The following DCBLD2 variants were observed in gnomAD, a reference collection of about 807,000 sequenced individuals.
The protein encoded by DCBLD2 is discoidin, CUB and LCCL domain containing 2, also known as discoidin, CUB and LCCL domain-containing protein 2.
In DCBLD2, 54 loss-of-function variants were observed where a neutral mutation model predicts 86.8. The observed-to-expected ratio is 0.62, with a 90% CI of 0.50 to 0.78. The LOEUF (loss-of-function observed/expected upper bound fraction) is 0.78, where lower values mean the gene tolerates loss of function less well. Among genes scored for constraint, DCBLD2 ranks in the 30% least tolerant of loss-of-function variants. DCBLD2 has a pLI of 0.00. For synonymous variants in DCBLD2, 354 were observed against 341.3 expected (o/e 1.04, Z -0.41); for missense variants, 908 against 954.2 (o/e 0.95, Z 0.64).
At chr3:98,849,191 T>C (rs1218641810) in intron 3 of DCBLD2, among the ~76,000 whole-genome samples, 3 of 151,776 alleles carry the variant, frequency 2.0e-5, no homozygotes, top group Admixed American at 6.6e-5. Context: ...AAAGTTATTA[T>C]AGCTCGTGTT....
intron 3 of DCBLD2, among the ~76,000 whole-genome samples, chr3:98,838,036 G>A (rs1336198712): frequency 9.9e-5 from 11 of 111,036 alleles, no homozygotes; most frequent in East Asian, 2.9e-4. Flanking sequence ...GCGGCTGGCC[G>A]GGCGGGGGGC....
chr3:98,854,327 A>G (rs1942893055), intron 2 of DCBLD2, among the ~76,000 whole-genome samples: 2 of 152,138 alleles, frequency 1.3e-5, no homozygotes, highest in South Asian at 4.1e-4. Flanking sequence ...GGCCAGAGTG[A>G]GGTGGAGATG....
intron 13 of DCBLD2, among the ~76,000 whole-genome samples, chr3:98,806,793 C>T (rs1228138469): frequency 6.6e-6 from 1 of 152,208 alleles, no homozygotes; most frequent in Non-Finnish European, 1.5e-5. Context: ...ACTGGTCTAA[C>T]TGCACAAGCC....
chr3:98,825,190 C>T lies in DCBLD2; in HGVS notation c.623+125G>A, dbSNP rs369144043. The T allele has an allele frequency of 1.2e-4, 83 of 668,668 alleles. No individual in the cohort carries two copies. The African/African-American group carries it at 1.4e-3, about 11-fold the overall frequency. 41.4% of individuals were successfully genotyped at this position (668,668 alleles called of 1,614,324 possible). A position where few individuals can be genotyped will look rare whatever the true frequency, so the allele number is the denominator to read the frequency against. On this transcript the variant is annotated intron_variant, in intron 4 of 15. Transcript: ENST00000326840. ...AGTAAGCTCTAATTTATTGAAGTCT[C>T]GGAACAATGATATGTATCACACAAT... is the stretch of plus-strand genomic sequence containing the variant.
At chr3:98,897,355 T>C (rs1168714779) in intron 1 of DCBLD2, among the ~76,000 whole-genome samples, 2 of 152,308 alleles carry the variant, frequency 1.3e-5, no homozygotes, top group Non-Finnish European at 2.9e-5. Flanking sequence ...ATTTTCATTT[T>C]GTAAAATTAA....
chr3:98,856,508 T>C (rs1156879872), intron 2 of DCBLD2, among the ~76,000 whole-genome samples: 1 of 151,844 alleles, frequency 6.6e-6, no homozygotes, highest in Non-Finnish European at 1.5e-5. Flanking sequence ...ATACACAGTA[T>C]AAAAAGAAAA....
intron 6 of DCBLD2, among the ~76,000 whole-genome samples, chr3:98,821,872 C>G (rs1479777526): frequency 2.0e-5 from 3 of 152,062 alleles, no homozygotes; most frequent in African/African-American, 7.2e-5. Flanking sequence ...ATGGTGAAAC[C>G]CCGCCTCTAC....
At chr3:98,887,601 T>C (rs1943585177) in intron 1 of DCBLD2, among the ~76,000 whole-genome samples, 1 of 152,060 alleles carries the variant, frequency 6.6e-6, no homozygotes, top group South Asian at 2.1e-4. Context: ...TCACAAGGTA[T>C]ATCTTTCTCC....
intron 2 of DCBLD2, among the ~76,000 whole-genome samples, chr3:98,866,553 GGTT>G (rs1452823929): frequency 4.6e-5 from 7 of 152,062 alleles, no homozygotes; most frequent in African/African-American, 1.7e-4. Flanking sequence ...TTGTTGATGG[GGTT>G]GTTTTTTTCT....
At chr3:98,804,783 G>A (rs1941798692) in intron 13 of DCBLD2, among the ~76,000 whole-genome samples, 1 of 152,116 alleles carries the variant, frequency 6.6e-6, no homozygotes, top group East Asian at 1.9e-4. Flanking sequence ...CTTTATTTCT[G>A]CCTTCATTTC....
chr3:98,861,941 G>GT (rs962690594), intron 2 of DCBLD2, among the ~76,000 whole-genome samples: 5 of 152,182 alleles, frequency 3.3e-5, no homozygotes, highest in African/African-American at 1.2e-4. Flanking sequence ...CCAGGAGATG[G>GT]TTTTTTGAAA....
chr3:98,832,661 A>ATT (rs1942344506), intron 3 of DCBLD2, among the ~76,000 whole-genome samples: 3 of 152,176 alleles, frequency 2.0e-5, no homozygotes, highest in Non-Finnish European at 4.4e-5. Context: ...GCATTTGCTT[A>ATT]TCTGACAAGA....
At position 98,892,902 on chromosome 3, in the gene DCBLD2, A is replaced by G. The variant is rs572934927; in HGVS notation, c.205+8220T>C. ...TGATCTGAGATGGTGGGGATCAAAAAACACTGAAGCACACCAACAGGCAGA... is the reference window on the plus strand; with the variant it reads ...TGATCTGAGATGGTGGGGATCAAAAGACACTGAAGCACACCAACAGGCAGA... On this transcript the variant is annotated intron_variant, in intron 1 of 15. Coordinates refer to ENST00000326840, the MANE Select transcript of DCBLD2 (RefSeq NM_080927.4). 2.0e-5 allele frequency among the ~76,000 whole-genome samples: 3 copies of G among 152,262 alleles called. No homozygotes were observed. The South Asian group carries it at 6.2e-4, about 32-fold the overall frequency.
chr3:98,872,489 C>A (rs1178354391), intron 2 of DCBLD2, among the ~76,000 whole-genome samples: 1 of 152,084 alleles, frequency 6.6e-6, no homozygotes, highest in African/African-American at 2.4e-5. Context: ...AATTATGAAC[C>A]AAATAAACCT....
At chr3:98,859,766 G>C (rs1443749527) in intron 2 of DCBLD2, among the ~76,000 whole-genome samples, 1 of 152,164 alleles carries the variant, frequency 6.6e-6, no homozygotes. Context: ...AAACCACAAA[G>C]ATGGGGAAAA....
At chr3:98,852,692 A>G (rs1451778222) in intron 2 of DCBLD2, among the ~76,000 whole-genome samples, 1 of 152,244 alleles carries the variant, frequency 6.6e-6, no homozygotes, top group Non-Finnish European at 1.5e-5. Flanking sequence ...CTCAGGTTGC[A>G]GAATTGGAAA....
In DCBLD2 at chr3:98,901,300, G is replaced by A; in HGVS notation, c.27C>T (p.Ala9=). Residue 9 remains alanine, a synonymous_variant, in exon 1 of 16, where the codon GCC becomes GCT. Transcript: ENST00000326840. MASRAVVR[A]RRCPQCPQVR... is the part of the protein sequence containing the mutation. Reference sequence around the variant, plus strand: ...CTTGGGGACACTGCGGGCAGCGCCTGGCTCTCACCACCGCCCGGCTCGCCA... The same window carrying A: ...CTTGGGGACACTGCGGGCAGCGCCTAGCTCTCACCACCGCCCGGCTCGCCA... 6.7e-7 allele frequency: 1 copy of A among 1,485,890 alleles called. No homozygotes were observed. The highest frequency in any genetic ancestry group is 8.9e-7 in the Non-Finnish European group (1 of 1,126,742). 92.0% of individuals were successfully genotyped at this position (1,485,890 alleles called of 1,614,324 possible).
intron 3 of DCBLD2, among the ~76,000 whole-genome samples, chr3:98,830,877 T>C (rs1430434946): frequency 6.6e-6 from 1 of 152,214 alleles, no homozygotes; most frequent in Non-Finnish European, 1.5e-5. Context: ...GAGCATGGCA[T>C]GTTTTTCCAC....
intron 2 of DCBLD2, among the ~76,000 whole-genome samples, chr3:98,853,407 C>T (rs1942875313): frequency 6.6e-6 from 1 of 152,226 alleles, no homozygotes; most frequent in Non-Finnish European, 1.5e-5. Flanking sequence ...AAGAAAGTCA[C>T]ACTCCAGTTT....
Sources: gnomAD v4.1 joint callset for allele counts (sites outside exome capture counted in the v4.1 genomes callset) on GRCh38, gnomAD v4.1.1 for gene constraint, MANE v1.5 for transcripts, NCBI Gene and HGNC (gene_info 2026-07-23, HGNC 2026-07-21) for gene names.